Variants in NBPF19 observed in about 807,000 individuals in gnomAD.
NBPF19 encodes the protein NBPF member 19, also known as NBPF family member NBPF19.
Under a neutral mutation model 45.9 loss-of-function variants are expected in NBPF19, and 30 were observed. The observed-to-expected ratio is 0.65, with a 90% CI of 0.49 to 0.89. The LOEUF (loss-of-function observed/expected upper bound fraction) is 0.89, where lower values mean the gene tolerates loss of function less well. NBPF19 is among the 40% of genes least tolerant of loss of function. NBPF19 has a pLI of 0.00. For missense variants in NBPF19, 495 were observed against 471.8 expected (o/e 1.05, Z -0.46); for synonymous variants, 183 against 181.2 (o/e 1.01, Z -0.08).
Position 149,487,337 on chromosome 1 carries a change from C to A in NBPF19, c.994C>A (p.Arg332Ser). The A allele has an allele frequency of 1.9e-6, 3 of 1,564,824 alleles. No homozygotes were observed. Among genetic ancestry groups the A allele is most frequent in the Middle Eastern group, 1.8e-4 (1 of 5,476 alleles). Residue 332 changes from arginine to serine, a missense_variant, in exon 9 of 94, where the codon CGC becomes AGC. By Grantham distance (110) the Arg-to-Ser change is moderately radical. Around this residue, in one of 8 missense-constraint regions of NBPF19, gnomAD observed 146 missense variants for 67.3 expected, o/e 2.17. Coordinates refer to ENST00000651566, the MANE Select transcript of NBPF19 (RefSeq NM_001351365.2). ...VCMAVDIGRH[R>S]WDQVKKEDQE... Reference sequence around the variant, plus strand: ...CCATCTGAATTTATTTGCAGGACATCGCTGGGATCAAGTGAAAAAGGAGGA... The same window carrying A: ...CCATCTGAATTTATTTGCAGGACATAGCTGGGATCAAGTGAAAAAGGAGGA...
intron 3 of NBPF19, among the ~76,000 whole-genome samples, chr1:149,478,307 A>G (rs2084968930): frequency 1.3e-5 from 2 of 151,284 alleles, no homozygotes. Context: ...AAAATTCACC[A>G]AAGGAGTGGG....
chr1:149,487,775 C>CTGTGTGTG lies in NBPF19; in HGVS notation c.1041-196_1041-189dup, dbSNP rs1219803937. Among the ~76,000 whole-genome samples, 491 of 128,714 alleles carry CTGTGTGTG rather than the reference C, an allele frequency of 3.8e-3. 6 individuals are homozygous for CTGTGTGTG. Among genetic ancestry groups the CTGTGTGTG allele is most frequent in the African/African-American group, 0.011 (374 of 33,724 alleles). The allele number at this position is 128,714 out of a possible 152,430, so 84.4% of individuals were successfully genotyped here. ...ACCTGACCAATTGACTGAGCTCGCT[C>CTGTGTGTG]TGTGTGTGTGTGTGTGTGTGTGTGT... On this transcript the variant is annotated intron_variant, in intron 9 of 93. Coordinates refer to ENST00000651566, the MANE Select transcript of NBPF19 (RefSeq NM_001351365.2).
At chr1:149,484,371 T>G (rs2085386344) in intron 7 of NBPF19, among the ~76,000 whole-genome samples, 1 of 124,326 alleles carries the variant, frequency 8.0e-6, no homozygotes, top group Non-Finnish European at 1.7e-5. Context: ...GGAGGAGGGG[T>G]AGCATTAGGA....
At chr1:149,490,790 G>C (rs1206642333) in intron 13 of NBPF19, among the ~76,000 whole-genome samples, 42 of 74,466 alleles carry the variant, frequency 5.6e-4, no homozygotes, top group Non-Finnish European at 1.0e-3. Flanking sequence ...GTCTTTTCAT[G>C]ATCACTGTAT....
intron 15 of NBPF19, among the ~76,000 whole-genome samples, chr1:149,492,559 C>CTG (rs2085885511): frequency 7.8e-6 from 1 of 128,744 alleles, no homozygotes; most frequent in Non-Finnish European, 1.7e-5. Flanking sequence ...GTCTCTGTCT[C>CTG]TCTCTCTCTC....
In NBPF19 at chr1:149,475,423, G is replaced by A. The variant is rs1315923791; in HGVS notation, c.-408G>A. The stretch of plus-strand genomic sequence containing the variant: ...GTACAGACAAGAGATAAACAGTGAG[G>A]AATATGCTTAGATGTATTGGGAAAG... On this transcript the variant is annotated 5_prime_UTR_variant, in exon 1 of 94. Transcript: ENST00000651566. Among the ~76,000 whole-genome samples the A allele has an allele frequency of 6.6e-6, 1 of 150,648 alleles. No homozygotes were observed. The highest frequency in any genetic ancestry group is 1.9e-4 in the East Asian group (1 of 5,130).
In NBPF19 at chr1:149,483,627, A is replaced by G. The variant is rs1253063203; in HGVS notation, c.824+1401A>G. Among the ~76,000 whole-genome samples, 134 of 149,554 alleles carry G rather than the reference A, an allele frequency of 9.0e-4. 4 individuals are homozygous for G. Among genetic ancestry groups the G allele is most frequent in the African/African-American group, 3.2e-3 (132 of 40,622 alleles). ...GTTGATGCAGTTTCTTCCTAGCGTC[A>G]ATGGTCTTTACAGTTTGGCATGTTT... is the stretch of plus-strand genomic sequence containing the variant. On this transcript the variant is annotated intron_variant, in intron 7 of 93. Coordinates refer to ENST00000651566, the MANE Select transcript of NBPF19 (RefSeq NM_001351365.2).
Position 149,487,423 on chromosome 1 carries a change from C to T in NBPF19, c.1040+40C>T, listed in dbSNP as rs1402112533. The stretch of plus-strand genomic sequence containing the variant: ...TTGTGGACAGTTAATTTGATGTTGA[C>T]ACCTGGAGATGCCAAGTCCAGGGAA... On this transcript the variant is annotated intron_variant, in intron 9 of 93. Transcript: ENST00000651566. 1.2e-4 allele frequency: 124 copies of T among 1,072,228 alleles called. 3 individuals are homozygous for T. In the South Asian group the frequency reaches 1.5e-3, roughly 13 times the overall value. 66.4% of individuals were successfully genotyped at this position (1,072,228 alleles called of 1,614,324 possible).
At position 149,554,505 on chromosome 1, in the gene NBPF19, G is replaced by A. The variant is rs1252031487; in HGVS notation, c.11299G>A (p.Val3767Met). The A allele has an allele frequency of 9.6e-5, 154 of 1,607,952 alleles. 4 individuals are homozygous for A. The East Asian group carries it at 2.1e-3, about 22-fold the overall frequency. ...TGTCTCCTTTTCCAGGCTCAACAGC[G>A]TGCTGATGGAAGTGGAAGAGCCTGA... ...QNPPCPRLNSVLMEVEEPEVL... is the reference protein window; with the variant it reads ...QNPPCPRLNSMLMEVEEPEVL... Residue 3767 changes from valine to methionine, a missense_variant, in exon 94 of 94, where the codon GTG becomes ATG. By Grantham distance (21) the Val-to-Met change is conservative. Around this residue, in one of 8 missense-constraint regions of NBPF19, gnomAD observed 248 missense variants for 95.4 expected, o/e 2.60. Transcript: ENST00000651566.
intron 17 of NBPF19, 126 bp from the exon 18 acceptor site, chr1:149,494,192 T>A: frequency 4.0e-6 from 2 of 494,534 alleles, no homozygotes; most frequent in East Asian, 8.2e-5. Context: ...AATAATTCAT[T>A]ACCTCATTAA....
At chr1:149,487,977 C>A (rs2085716744) in intron 9 of NBPF19, 36 bp from the exon 10 acceptor site, 8 of 693,718 alleles carry the variant, frequency 1.2e-5, no homozygotes, top group East Asian at 5.5e-5. Context: ...TTCTGATTCC[C>A]CCTGGCTTAT....
chr1:149,479,720 G>A (rs1367835370), intron 4 of NBPF19, among the ~76,000 whole-genome samples: 1 of 150,112 alleles, frequency 6.7e-6, no homozygotes, highest in African/African-American at 2.5e-5. Flanking sequence ...TGGAGGGCCT[G>A]TGCAGTCTCA....
chr1:149,478,819 A>G lies in NBPF19; in HGVS notation c.279-61A>G. 3 of 1,380,946 alleles carry G rather than the reference A, an allele frequency of 2.2e-6. No homozygotes were observed. In the South Asian group the frequency reaches 3.5e-5, roughly 16 times the overall value. 85.5% of individuals were successfully genotyped at this position (1,380,946 alleles called of 1,614,324 possible). ...CATTGTCTCAGAAGTCTCTGTTGCA[A>G]TATTTGAACGGATCACTCAACCCTT... On this transcript the variant is annotated intron_variant, in intron 3 of 93. Coordinates refer to ENST00000651566, the MANE Select transcript of NBPF19 (RefSeq NM_001351365.2).
rs1201621618 is a variant in NBPF19 at position 149,490,988 on chromosome 1, C to T, written c.1491-151C>T. 4 of 547,570 alleles carry T rather than the reference C, an allele frequency of 7.3e-6. 1 individual carries two copies. The highest frequency in any genetic ancestry group is 1.2e-5 in the Non-Finnish European group (4 of 320,660). The allele number at this position is 547,570 out of a possible 1,614,324, so 33.9% of individuals were successfully genotyped here. On this transcript the variant is annotated intron_variant, in intron 13 of 93. Transcript: ENST00000651566. ...TCTTTTCCATTTGGCCCTGTTCTGT[C>T]CCAACATGAAGGCAATAATTTGTTA...
At chr1:149,487,888 A>C (rs1175820024) in intron 9 of NBPF19, 125 bp from the exon 10 acceptor site, 2 of 731,666 alleles carry the variant, frequency 2.7e-6, no homozygotes, top group African/African-American at 3.6e-5. Context: ...ATAATTTGTT[A>C]CCTCACTAAT....
rs2101735478 is a variant in NBPF19 at position 149,555,635 on chromosome 1, T to A, written c.*897T>A. ...AGATATATTTTGGGTTCAAAAAAAG[T>A]AAAAAGATAATGTAGCTGCATTTCT... On this transcript the variant is annotated 3_prime_UTR_variant, in exon 94 of 94. Transcript: ENST00000651566. 6.7e-6 allele frequency: 1 copy of A among 149,862 alleles called. No homozygotes were observed. Among genetic ancestry groups the A allele is most frequent in the South Asian group, 2.1e-4 (1 of 4,726 alleles). 9.3% of individuals were successfully genotyped at this position (149,862 alleles called of 1,614,324 possible).
At chr1:149,483,513 G>A (rs1485943048) in intron 7 of NBPF19, among the ~76,000 whole-genome samples, 3 of 139,524 alleles carry the variant, frequency 2.2e-5, no homozygotes, top group Non-Finnish European at 4.7e-5. Context: ...TTTAACTGGG[G>A]CATTTAGCCC....
At chr1:149,514,660 A>T (rs2086328481) in intron 43 of NBPF19, among the ~76,000 whole-genome samples, 1 of 104,612 alleles carries the variant, frequency 9.6e-6, no homozygotes, top group African/African-American at 3.1e-5. Context: ...TGTCACCTGG[A>T]CAATTCACTG....
At position 149,483,524 on chromosome 1, in the gene NBPF19, A is replaced by C. The variant is rs1226463291; in HGVS notation, c.824+1298A>C. The stretch of plus-strand genomic sequence containing the variant: ...GTTTTTTAACTGGGGCATTTAGCCC[A>C]TTTACATTTAAGGTTAATATTGTTA... On this transcript the variant is annotated intron_variant, in intron 7 of 93. Transcript: ENST00000651566. 2.6e-3 allele frequency among the ~76,000 whole-genome samples: 382 copies of C among 144,242 alleles called. 5 individuals carry two copies. Among genetic ancestry groups the C allele is most frequent in the Middle Eastern group, 0.021 (6 of 288 alleles). 94.6% of individuals were successfully genotyped at this position (144,242 alleles called of 152,430 possible). A position where few individuals can be genotyped will look rare whatever the true frequency, so the allele number is the denominator to read the frequency against.
Sources: gnomAD v4.1 joint callset for allele counts (sites outside exome capture counted in the v4.1 genomes callset) on GRCh38, gnomAD v4.1.1 for gene constraint, gnomAD v4.1.1 regional missense constraint, MANE v1.5 for transcripts, NCBI Gene and HGNC (gene_info 2026-07-23, HGNC 2026-07-21) for gene names.